NRG1: variants seen among roughly 807,000 people sequenced by gnomAD.
NRG1 encodes the protein neuregulin 1.
NRG1 carries 18 observed loss-of-function variants against 63.8 expected under a neutral mutation model. The ratio of observed to expected loss-of-function variants is 0.28; its 90% CI spans 0.19 to 0.42. NRG1 has a LOEUF of 0.42. Ranked by LOEUF, NRG1 falls within the 10% of genes least tolerant of loss-of-function variation. The pLI, the probability that NRG1 is intolerant of heterozygous loss-of-function variation, is 1.00. For missense variants in NRG1, 762 were observed against 814.7 expected (o/e 0.94, Z 0.79); for synonymous variants, 302 against 301.3 (o/e 1.00, Z -0.02).
chr8:32,268,324 G>A (rs1411670356), intron 1 of NRG1, among the ~76,000 whole-genome samples: 1 of 152,260 alleles, frequency 6.6e-6, no homozygotes, highest in South Asian at 2.1e-4. Context: ...ATAAATGTGT[G>A]TTTTAAGTGG....
At chr8:32,690,535 T>A (rs1811328060) in intron 5 of NRG1, among the ~76,000 whole-genome samples, 1 of 139,588 alleles carries the variant, frequency 7.2e-6, no homozygotes, top group South Asian at 2.3e-4. Flanking sequence ...GTAGGTGGTA[T>A]AGCTGCAAGA....
intron 1 of NRG1, among the ~76,000 whole-genome samples, chr8:32,331,770 G>A (rs912524724): frequency 2.6e-5 from 4 of 152,212 alleles, no homozygotes; most frequent in East Asian, 1.9e-4. Flanking sequence ...ATCTCAGACC[G>A]ATGCTTAGTA....
rs367543150 is a variant in NRG1, at chr8:31,639,995, G to A, written c.37+564G>A. On this transcript the variant is annotated intron_variant, in intron 1 of 10. Coordinates refer to the NRG1 transcript ENST00000519301. ...CACGCACCTCGCACCATGAGATGGC[G>A]ACGCGCCCCGCGCCGCTCCGGGCGT... 903 of 1,124,844 alleles carry A rather than the reference G, an allele frequency of 8.0e-4. 8 individuals are homozygous for A. The African/African-American group carries it at 0.014, about 17-fold the overall frequency. 69.7% of individuals were successfully genotyped at this position (1,124,844 alleles called of 1,614,324 possible). A position where few individuals can be genotyped will look rare whatever the true frequency, so the allele number is the denominator to read the frequency against.
chr8:32,519,817 T>C (rs1830165032), intron 1 of NRG1, among the ~76,000 whole-genome samples: 1 of 152,142 alleles, frequency 6.6e-6, no homozygotes, highest in African/African-American at 2.4e-5. Flanking sequence ...TTGGTAAAAG[T>C]AACTTTTTCA....
intron 1 of NRG1, among the ~76,000 whole-genome samples, chr8:31,765,809 T>C (rs924877437): frequency 6.6e-6 from 1 of 152,210 alleles, no homozygotes; most frequent in African/African-American, 2.4e-5. Context: ...ATTTTACTCC[T>C]GGCTCCTTCT....
intron 1 of NRG1, among the ~76,000 whole-genome samples, chr8:31,743,422 T>A (rs1815504244): frequency 6.6e-6 from 1 of 152,008 alleles, no homozygotes; most frequent in Non-Finnish European, 1.5e-5. Context: ...AATAGTTAAT[T>A]GCTGATAGTA....
intron 1 of NRG1, among the ~76,000 whole-genome samples, chr8:32,000,784 A>G (rs1434406346): frequency 6.6e-6 from 1 of 152,022 alleles, no homozygotes; most frequent in Non-Finnish European, 1.5e-5. Flanking sequence ...CAGTGATTGA[A>G]GTTTTGTCAT....
At chr8:32,022,745 A>T (rs13268865) in intron 1 of NRG1, among the ~76,000 whole-genome samples, 1 of 152,130 alleles carries the variant, frequency 6.6e-6, no homozygotes, top group Non-Finnish European at 1.5e-5. Context: ...AATTGTATAT[A>T]TTTTTTTCAC....
chr8:31,702,636 G>A (rs1810744664), intron 1 of NRG1, among the ~76,000 whole-genome samples: 1 of 152,076 alleles, frequency 6.6e-6, no homozygotes, highest in Non-Finnish European at 1.5e-5. Flanking sequence ...CCTCATGAAT[G>A]TTGCTATTAT....
chr8:32,120,554 A>G (rs1392010089), intron 1 of NRG1, among the ~76,000 whole-genome samples: 6 of 152,204 alleles, frequency 3.9e-5, no homozygotes, highest in Admixed American at 3.3e-4. Flanking sequence ...CTGGACTGCA[A>G]TCACCTTTCT....
intron 1 of NRG1, among the ~76,000 whole-genome samples, chr8:31,678,090 T>TATTTATTA (rs1277547339): frequency 2.0e-5 from 3 of 151,416 alleles, no homozygotes; most frequent in South Asian, 2.1e-4. Context: ...TTTAACTTGT[T>TATTTATTA]ATTTATTTAT....
chr8:32,515,274 A>G (rs1279732580), intron 1 of NRG1, among the ~76,000 whole-genome samples: 3 of 152,020 alleles, frequency 2.0e-5, no homozygotes, highest in African/African-American at 7.2e-5. Flanking sequence ...CCTCGCCAGC[A>G]TCTATTATTT....
At chr8:32,630,071 C>T (rs1480454521) in intron 5 of NRG1, among the ~76,000 whole-genome samples, 2 of 152,128 alleles carry the variant, frequency 1.3e-5, no homozygotes, top group Non-Finnish European at 2.9e-5. Flanking sequence ...AGGATTTAAC[C>T]TCAGTCTTTC....
At chr8:31,779,025 T>C (rs1277730920) in intron 1 of NRG1, among the ~76,000 whole-genome samples, 2 of 152,202 alleles carry the variant, frequency 1.3e-5, no homozygotes, top group Non-Finnish European at 2.9e-5. Flanking sequence ...GCAGAATGCA[T>C]CCACTGCTGA....
intron 8 of NRG1, among the ~76,000 whole-genome samples, chr8:32,754,974 A>C (rs769452716): frequency 1.3e-5 from 2 of 152,248 alleles, no homozygotes; most frequent in Non-Finnish European, 2.9e-5. Flanking sequence ...AAATTACGAG[A>C]TAAAGGAAAC....
intron 1 of NRG1, among the ~76,000 whole-genome samples, chr8:32,476,354 T>C (rs1824516406): frequency 6.6e-6 from 1 of 152,232 alleles, no homozygotes; most frequent in South Asian, 2.1e-4. Flanking sequence ...TTGCACAAGC[T>C]ATCAGTTAAT....
chr8:32,407,450 C>T (rs7831866), intron 1 of NRG1, among the ~76,000 whole-genome samples: 36,699 of 150,998 alleles, frequency 0.24, 4,881 homozygotes, highest in Middle Eastern at 0.35. Flanking sequence ...TAGTCCTTTA[C>T]AATGAAGAAC....
intron 1 of NRG1, among the ~76,000 whole-genome samples, chr8:32,410,355 A>G (rs1347800380): frequency 6.6e-6 from 1 of 150,986 alleles, no homozygotes; most frequent in Non-Finnish European, 1.5e-5. Context: ...TAATTTTTGC[A>G]TTTTTTGTAG....
chr8:31,834,030 C>A (rs901481476), intron 1 of NRG1, among the ~76,000 whole-genome samples: 5 of 152,134 alleles, frequency 3.3e-5, no homozygotes, highest in African/African-American at 1.2e-4. Flanking sequence ...TGAGTCTTGG[C>A]TTATTTAAAA....
Sources: gnomAD v4.1 joint callset for allele counts (sites outside exome capture counted in the v4.1 genomes callset) on GRCh38, gnomAD v4.1.1 for gene constraint, MANE v1.5 for transcripts, NCBI Gene and HGNC (gene_info 2026-07-23, HGNC 2026-07-21) for gene names.